Variants in ZBTB47 observed in about 807,000 individuals in gnomAD.
ZBTB47 encodes the protein zinc finger and BTB domain-containing protein 47.
A neutral mutation model predicts 56.6 loss-of-function variants in ZBTB47; 24 were observed. The observed-to-expected ratio is 0.42, with a 90% confidence interval of 0.31 to 0.60. The LOEUF is 0.60. ZBTB47 is among the 20% of genes least tolerant of loss of function. The pLI is 0.14. For missense variants in ZBTB47, 829 were observed against 1,032.6 expected (o/e 0.80, Z 2.70); for synonymous variants, 414 against 418.9 (o/e 0.99, Z 0.14).
rs1710766554 is a variant in ZBTB47 at position 42,664,824 on chromosome 3, T to TGACTCCTTGA, written c.*227_*236dup. ...CACTCCCAAGTGCCCCCCCTTTCTG[T>TGACTCCTTGA]GACTCCTTGAAGCCTTTACTTTTTT... is the stretch of plus-strand genomic sequence containing the variant. On this transcript the variant is annotated 3_prime_UTR_variant, in exon 6 of 6. Transcript: ENST00000232974. 1 of 407,356 alleles carries TGACTCCTTGA rather than the reference T, an allele frequency of 2.5e-6. No individual in the cohort carries two copies. The highest frequency in any genetic ancestry group is 2.1e-5 in the African/African-American group (1 of 46,748). The allele number at this position is 407,356 out of a possible 1,614,324, so 25.2% of individuals were successfully genotyped here.
rs1290148946 is a variant in ZBTB47 at position 42,663,353 on chromosome 3, C to T, written c.1737+226C>T. Reference sequence around the variant, plus strand: ...CCCTTCCTTCCCCAACCCAGCCCCACACACTCAGGGTGGGAAGTGTGTGTG... The same window carrying T: ...CCCTTCCTTCCCCAACCCAGCCCCATACACTCAGGGTGGGAAGTGTGTGTG... On this transcript the variant is annotated intron_variant, in intron 4 of 5. Coordinates refer to ENST00000232974, the MANE Select transcript of ZBTB47 (RefSeq NM_145166.4). This position sits in a 1 kb window ranked among gnomAD's most constrained non-coding sequence, Gnocchi z 5.1. Among the ~76,000 whole-genome samples the T allele has an allele frequency of 1.3e-5, 2 of 152,136 alleles. No individual in the cohort carries two copies. Among genetic ancestry groups the T allele is most frequent in the Non-Finnish European group, 2.9e-5 (2 of 67,994 alleles).
chr3:42,660,232 C>T (rs1463934538), intron 2 of ZBTB47, among the ~76,000 whole-genome samples: 1 of 152,190 alleles, frequency 6.6e-6, no homozygotes, highest in Non-Finnish European at 1.5e-5. Context: ...TGTAGGAAGG[C>T]CAGCAGGGCC....
intron 1 of ZBTB47, among the ~76,000 whole-genome samples, chr3:42,657,991 T>G (rs1277374097): frequency 6.6e-6 from 1 of 152,174 alleles, no homozygotes; most frequent in Non-Finnish European, 1.5e-5. Flanking sequence ...TCCCTTTCCC[T>G]TCCTGGGATG....
intron 2 of ZBTB47, among the ~76,000 whole-genome samples, chr3:42,660,321 A>AT (rs1281371422): frequency 6.6e-6 from 1 of 152,210 alleles, no homozygotes; most frequent in Non-Finnish European, 1.5e-5. Context: ...GAGGGATGCC[A>AT]TCCTCCACTT....
chr3:42,659,939 G>C, intron 2 of ZBTB47, 111 bp downstream of exon 2: 1 of 1,403,944 alleles, frequency 7.1e-7, no homozygotes, highest in Non-Finnish European at 9.4e-7. Flanking sequence ...GGTGGTCTGC[G>C]GAGACCAGAC....
Position 42,663,958 on chromosome 3 carries a change from G to C in ZBTB47, c.1882+17G>C. ...CCCACACAGGTGCGGCTGCCCCTGG[G>C]GACGGAGCTCGGTGCCGGGCCTGGG... On this transcript the variant is annotated intron_variant, in intron 5 of 5. Coordinates refer to ENST00000232974, the MANE Select transcript of ZBTB47 (RefSeq NM_145166.4). This position sits in a 1 kb window ranked among gnomAD's most constrained non-coding sequence, Gnocchi z 5.1. The C allele has an allele frequency of 1.2e-6, 2 of 1,603,472 alleles. No individual in the cohort carries two copies. Among genetic ancestry groups the C allele is most frequent in the South Asian group, 2.2e-5 (2 of 89,880 alleles).
At chr3:42,653,173 AG>A (rs1461684744), upstream of ZBTB47, among the ~76,000 whole-genome samples, 2 of 151,926 alleles carry the variant, frequency 1.3e-5, no homozygotes, top group Non-Finnish European at 2.9e-5. Context: ...GGGGTGGGGG[AG>A]GAGGCCCTTG....
chr3:42,659,703 T>A lies in ZBTB47; in HGVS notation c.1348T>A (p.Tyr450Asn). 6.2e-7 allele frequency: 1 copy of A among 1,613,672 alleles called. No homozygotes were observed. The highest frequency in any genetic ancestry group is 1.1e-5 in the South Asian group (1 of 90,998). The change falls in exon 2 of 6, where the codon TAC (tyrosine) becomes AAC (asparagine). Residue 450 changes from tyrosine to asparagine, a missense_variant. This residue lies in a region of ZBTB47 where 187 missense variants were observed against 253.1 expected (regional missense o/e 0.74). Transcript: ENST00000232974. ...CCCACGAGTTTTCAACAACCGCTGG[T>A]ACCTGGAGAAACACATGAATGTGAC... is the stretch of plus-strand genomic sequence containing the variant. ...KCPRVFNNRW[Y>N]LEKHMNVTHS...
In ZBTB47 at chr3:42,656,413, T is replaced by C. The variant is rs552035441; in HGVS notation, c.-81-1862T>C. Reference sequence around the variant, plus strand: ...CATTCTGAGCCTCGGTTTCTCCATCTGTGTAGTAGGGGTTGGTCCCAGAAG... The same window carrying C: ...CATTCTGAGCCTCGGTTTCTCCATCCGTGTAGTAGGGGTTGGTCCCAGAAG... On this transcript the variant is annotated intron_variant, in intron 1 of 5. Transcript: ENST00000232974. The surrounding 1 kb of genome is among the most constrained non-coding windows in gnomAD (Gnocchi z 5.8). 1.2e-4 allele frequency among the ~76,000 whole-genome samples: 19 copies of C among 152,258 alleles called. No homozygotes were observed. The South Asian group carries it at 3.9e-3, about 32-fold the overall frequency.
rs1442580126 is a variant in ZBTB47, at chr3:42,666,134, C to T, written c.*1536C>T. On this transcript the variant is annotated 3_prime_UTR_variant, in exon 6 of 6. Coordinates refer to ENST00000232974, the MANE Select transcript of ZBTB47 (RefSeq NM_145166.4). ...TGGGGACATTTTAATCATCAATAAACGAAGCACTTTATTCTGTACAGATTT... is the reference window on the plus strand; with the variant it reads ...TGGGGACATTTTAATCATCAATAAATGAAGCACTTTATTCTGTACAGATTT... 2.6e-5 allele frequency among the ~76,000 whole-genome samples: 4 copies of T among 152,210 alleles called. No individual in the cohort carries two copies. Among genetic ancestry groups the T allele is most frequent in the Non-Finnish European group, 4.4e-5 (3 of 68,042 alleles).
rs1042463591 is a variant in ZBTB47 at position 42,666,995 on chromosome 3, G to A, written c.*2397G>A. On this transcript the variant is annotated 3_prime_UTR_variant, in exon 6 of 6. Coordinates refer to ENST00000232974, the MANE Select transcript of ZBTB47 (RefSeq NM_145166.4). ...CCATTGTTGGTGGGGGCTCCTTTCCGGCCAGACCACAAGGCCAGAAGCAAT... is the reference window on the plus strand; with the variant it reads ...CCATTGTTGGTGGGGGCTCCTTTCCAGCCAGACCACAAGGCCAGAAGCAAT... 6.6e-6 allele frequency among the ~76,000 whole-genome samples: 1 copy of A among 152,232 alleles called. No homozygotes were observed. Among genetic ancestry groups the A allele is most frequent in the African/African-American group, 2.4e-5 (1 of 41,456 alleles).
rs1396519953 is a variant in ZBTB47, at chr3:42,667,515, A to G, written c.*2917A>G. Among the ~76,000 whole-genome samples, 3 of 152,250 alleles carry G rather than the reference A, an allele frequency of 2.0e-5. No individual in the cohort carries two copies. Among genetic ancestry groups the G allele is most frequent in the African/African-American group, 7.2e-5 (3 of 41,472 alleles). On this transcript the variant is annotated 3_prime_UTR_variant, in exon 6 of 6. Coordinates refer to ENST00000232974, the MANE Select transcript of ZBTB47 (RefSeq NM_145166.4). ...TCGTGTACAGGCACCCCACAGCCCC[A>G]GAGCATGGGGCACAGCAGGCATGCG...
Position 42,659,233 on chromosome 3 carries a change from A to T in ZBTB47, c.878A>T (p.Glu293Val). Residue 293 changes from glutamate to valine, a missense_variant, in exon 2 of 6, where the codon GAG (glutamate) becomes GTG (valine). Coordinates refer to ENST00000232974, the MANE Select transcript of ZBTB47 (RefSeq NM_145166.4). ...DEEEEEEEEE[E>V]EGGGSGREEE... ...GAGGAGGAGGAGGAAGAAGAGGAAG[A>T]GGAAGGTGGTGGCAGTGGACGGGAG... 6.5e-7 allele frequency: 1 copy of T among 1,530,972 alleles called. No homozygotes were observed. Among genetic ancestry groups the T allele is most frequent in the Non-Finnish European group, 8.7e-7 (1 of 1,144,074 alleles). The allele number at this position is 1,530,972 out of a possible 1,614,324, so 94.8% of individuals were successfully genotyped here.
chr3:42,666,994 C>T lies in ZBTB47; in HGVS notation c.*2396C>T, dbSNP rs945435117. On this transcript the variant is annotated 3_prime_UTR_variant, in exon 6 of 6. Coordinates refer to ENST00000232974, the MANE Select transcript of ZBTB47 (RefSeq NM_145166.4). ...GCCATTGTTGGTGGGGGCTCCTTTC[C>T]GGCCAGACCACAAGGCCAGAAGCAA... 2.0e-5 allele frequency among the ~76,000 whole-genome samples: 3 copies of T among 152,262 alleles called. No homozygotes were observed. Among genetic ancestry groups the T allele is most frequent in the Admixed American group, 1.3e-4 (2 of 15,288 alleles).
Position 42,658,878 on chromosome 3 carries a change from G to A in ZBTB47, c.523G>A (p.Gly175Ser). 6.6e-7 allele frequency: 1 copy of A among 1,517,836 alleles called. No individual in the cohort carries two copies. The highest frequency in any genetic ancestry group is 1.2e-5 in the South Asian group (1 of 81,056). The allele number at this position is 1,517,836 out of a possible 1,614,324, so 94.0% of individuals were successfully genotyped here. Residue 175 changes from glycine (G) to serine (S), a missense_variant, in exon 2 of 6, where the codon GGT becomes AGT. Transcript: ENST00000232974. ...TGTTGAGGACGGGGCAGGGACTGCT[G>A]GTGGCACAGTGCCTGCCACCATTGG... Reference protein sequence around the residue: ...VRVEDGAGTAGGTVPATIGPA... With the variant: ...VRVEDGAGTASGTVPATIGPA...
In ZBTB47 at chr3:42,659,902, C is replaced by T. The variant is rs1486422953; in HGVS notation, c.1473+74C>T. On this transcript the variant is annotated intron_variant, in intron 2 of 5. Transcript: ENST00000232974. ...TAGGCCATAACTGGGCTCTGGGCACCTAGTGTCTTGCTGACTGCATTACCT... is the reference window on the plus strand; with the variant it reads ...TAGGCCATAACTGGGCTCTGGGCACTTAGTGTCTTGCTGACTGCATTACCT... 6 of 1,481,518 alleles carry T rather than the reference C, an allele frequency of 4.0e-6. No individual in the cohort carries two copies. In the Admixed American group the frequency reaches 1.4e-4, roughly 34 times the overall value. 91.8% of individuals were successfully genotyped at this position (1,481,518 alleles called of 1,614,324 possible).
chr3:42,654,525 GC>G lies in ZBTB47; in HGVS notation c.-82+644del, dbSNP rs974993474. 5 of 205,950 alleles carry G rather than the reference GC, an allele frequency of 2.4e-5. No individual in the cohort carries two copies. The highest frequency in any genetic ancestry group is 1.2e-4 in the African/African-American group (5 of 42,124). The allele number at this position is 205,950 out of a possible 1,614,324, so 12.8% of individuals were successfully genotyped here. On this transcript the variant is annotated intron_variant, in intron 1 of 5. Coordinates refer to ENST00000232974, the MANE Select transcript of ZBTB47 (RefSeq NM_145166.4). This position sits in a 1 kb window ranked among gnomAD's most constrained non-coding sequence, Gnocchi z 5.0. ...GCCGCAGCTGCTTGGCGCTGGACTC[GC>G]CGCGGCCCTGCGCCTCCGCCTGCCT...
chr3:42,654,739 C>T lies in ZBTB47; in HGVS notation c.-82+856C>T, dbSNP rs571379441. On this transcript the variant is annotated intron_variant, in intron 1 of 5. Coordinates refer to ENST00000232974, the MANE Select transcript of ZBTB47 (RefSeq NM_145166.4). This position sits in a 1 kb window ranked among gnomAD's most constrained non-coding sequence, Gnocchi z 5.0. ...GTCCCCCCGCTTATCCGCCCACCTGCCAGCTCTGACCTCCCAGGCACACGG... is the reference window on the plus strand; with the variant it reads ...GTCCCCCCGCTTATCCGCCCACCTGTCAGCTCTGACCTCCCAGGCACACGG... 1.0e-6 allele frequency: 1 copy of T among 984,776 alleles called. No individual in the cohort carries two copies. Among genetic ancestry groups the T allele is most frequent in the African/African-American group, 1.7e-5 (1 of 57,300 alleles). The allele number at this position is 984,776 out of a possible 1,614,324, so 61.0% of individuals were successfully genotyped here.
rs747859385 is a variant in ZBTB47, at chr3:42,659,136, C to G, written c.781C>G (p.Pro261Ala). 11 of 1,503,736 alleles carry G rather than the reference C, an allele frequency of 7.3e-6. No homozygotes were observed. In the East Asian group the frequency reaches 2.7e-4, roughly 37 times the overall value. 93.1% of individuals were successfully genotyped at this position (1,503,736 alleles called of 1,614,324 possible). Residue 261 changes from proline to alanine, a missense_variant, in exon 2 of 6, where the codon CCA becomes GCA. Pro to Ala is a conservative substitution (Grantham distance 27). Transcript: ENST00000232974. Reference protein sequence around the residue: ...PEGKPGAGPSPATVVLGREDG... With the variant: ...PEGKPGAGPSAATVVLGREDG... ...GGGGAAGCCAGGTGCCGGGCCAAGC[C>G]CAGCCACCGTGGTTCTGGGCCGGGA...
Sources: allele counts gnomAD v4.1 joint callset (sites outside exome capture counted in the v4.1 genomes callset), GRCh38; gene constraint gnomAD v4.1.1; regional missense constraint gnomAD v4.1.1; non-coding constraint Gnocchi (gnomAD v3.1); transcripts MANE v1.5; gene names NCBI Gene and HGNC (gene_info 2026-07-23, HGNC 2026-07-21).